Variants in CDH13 observed in about 807,000 individuals in gnomAD.
CDH13 encodes cadherin 13.
In CDH13, 24 loss-of-function variants were observed where a neutral mutation model predicts 63.8. That is an observed-to-expected ratio of 0.38 (90% CI 0.27 to 0.53). The LOEUF (loss-of-function observed/expected upper bound fraction) is 0.53, where lower values mean the gene tolerates loss of function less well. Ranked by LOEUF, CDH13 falls within the 20% of genes least tolerant of loss-of-function variation. The pLI is 0.85. For missense variants in CDH13, 1,049 were observed against 903.1 expected, an observed-to-expected ratio of 1.16 and a Z score of -2.07; for synonymous variants, 503 against 355.3, an observed-to-expected ratio of 1.42 and a Z score of -4.67.
chr16:83,572,622 C>G (rs530032545), intron 7 of CDH13, among the ~76,000 whole-genome samples: 2 of 152,304 alleles, frequency 1.3e-5, no homozygotes, highest in South Asian at 4.1e-4. Context: ...ATTGAATATT[C>G]TAGCCCTCGC....
At chr16:83,021,540 C>G (rs1424517682) in intron 2 of CDH13, among the ~76,000 whole-genome samples, 1 of 152,136 alleles carries the variant, frequency 6.6e-6, no homozygotes, top group Non-Finnish European at 1.5e-5. Flanking sequence ...CTGTCTTTTT[C>G]CAAGAGGAAG....
At chr16:82,802,421 C>G (rs117660669) in intron 1 of CDH13, among the ~76,000 whole-genome samples, 224 of 152,180 alleles carry the variant, frequency 1.5e-3, no homozygotes, top group Non-Finnish European at 2.5e-3. Context: ...GGATATCTGT[C>G]TCAAAGTTTT....
chr16:82,681,560 C>T (rs949717418), intron 1 of CDH13, among the ~76,000 whole-genome samples: 2 of 152,240 alleles, frequency 1.3e-5, no homozygotes. Flanking sequence ...TTGTTTGCCT[C>T]TTACTCATTT....
At position 82,849,742 on chromosome 16, in the gene CDH13, T is replaced by C. The variant is rs868127340; in HGVS notation, c.46-8620T>C. Among the ~76,000 whole-genome samples, 5 of 152,366 alleles carry C rather than the reference T, an allele frequency of 3.3e-5. 1 individual carries two copies. Among genetic ancestry groups the C allele is most frequent in the South Asian group, 2.1e-4 (1 of 4,828 alleles). On this transcript the variant is annotated intron_variant, in intron 1 of 13. Transcript: ENST00000567109. ...TTTTGTCTGGGACTAATGCAACTGA[T>C]GACTTTAAGTTGAAGCCAATGCTTA...
chr16:82,968,660 C>T (rs1908228745), intron 2 of CDH13, among the ~76,000 whole-genome samples: 1 of 152,192 alleles, frequency 6.6e-6, no homozygotes, highest in African/African-American at 2.4e-5. Flanking sequence ...ATCCTCCCTG[C>T]CCCACCCAGG....
chr16:83,156,947 A>T (rs767601156), intron 4 of CDH13, among the ~76,000 whole-genome samples: 6 of 152,184 alleles, frequency 3.9e-5, no homozygotes, highest in Non-Finnish European at 8.8e-5. Flanking sequence ...TCTTCAAAGG[A>T]GCAATTTTCT....
At chr16:83,204,370 C>G (rs977288905) in intron 4 of CDH13, among the ~76,000 whole-genome samples, 1 of 152,206 alleles carries the variant, frequency 6.6e-6, no homozygotes, top group African/African-American at 2.4e-5. Flanking sequence ...AATTGTTGTG[C>G]CTGTAAAATG....
intron 1 of CDH13, chr16:82,825,459 C>T (rs1248897659): frequency 6.6e-6 from 1 of 151,954 alleles, no homozygotes; most frequent in East Asian, 1.9e-4. Context: ...ACAAGAACTT[C>T]TCATTAGCTG....
chr16:82,704,640 T>C (rs1446736816), intron 1 of CDH13, among the ~76,000 whole-genome samples: 1 of 152,144 alleles, frequency 6.6e-6, no homozygotes, highest in Non-Finnish European at 1.5e-5. Context: ...GTCCTTTTCC[T>C]GGCCTGGGGG....
At chr16:83,245,098 G>A (rs150673775) in intron 5 of CDH13, among the ~76,000 whole-genome samples, 1 of 147,974 alleles carries the variant, frequency 6.8e-6, no homozygotes, top group Non-Finnish European at 1.5e-5. Flanking sequence ...TGCTATGTTG[G>A]CTCTTTTCTG....
chr16:83,302,953 C>T (rs1009543952), intron 5 of CDH13, among the ~76,000 whole-genome samples: 2 of 152,212 alleles, frequency 1.3e-5, no homozygotes, highest in Non-Finnish European at 2.9e-5. Flanking sequence ...GCTCAAAAAT[C>T]TCATCAAGGT....
intron 2 of CDH13, among the ~76,000 whole-genome samples, chr16:82,915,982 C>T (rs1024250637): frequency 6.6e-6 from 1 of 151,822 alleles, no homozygotes; most frequent in African/African-American, 2.4e-5. Flanking sequence ...CAAAGCATGT[C>T]TGAGCAGAGA....
intron 7 of CDH13, among the ~76,000 whole-genome samples, chr16:83,513,363 T>G (rs979841208): frequency 1.2e-4 from 18 of 152,164 alleles, no homozygotes; most frequent in African/African-American, 4.3e-4. Flanking sequence ...TTAGATCCCT[T>G]AGATCAATGG....
intron 2 of CDH13, among the ~76,000 whole-genome samples, chr16:83,017,848 T>G (rs1050045038): frequency 6.6e-6 from 1 of 152,198 alleles, no homozygotes; most frequent in Non-Finnish European, 1.5e-5. Flanking sequence ...CTAACATAAA[T>G]GATGTCCTGC....
At chr16:83,617,339 C>T (rs148637278) in intron 8 of CDH13, among the ~76,000 whole-genome samples, 21 of 152,142 alleles carry the variant, frequency 1.4e-4, no homozygotes, top group South Asian at 6.2e-4. Context: ...TTATATGCTG[C>T]GTATAAGTAA....
At chr16:83,045,892 G>C (rs1917737181) in intron 3 of CDH13, among the ~76,000 whole-genome samples, 1 of 152,234 alleles carries the variant, frequency 6.6e-6, no homozygotes, top group African/African-American at 2.4e-5. Context: ...CTGAATGTTT[G>C]TAGAAAAATT....
intron 1 of CDH13, among the ~76,000 whole-genome samples, chr16:82,834,052 G>T (rs765336723): frequency 6.6e-6 from 1 of 152,084 alleles, no homozygotes; most frequent in African/African-American, 2.4e-5. Context: ...TCAATTCAGC[G>T]CTAGCCAGCT....
At chr16:82,865,869 C>T (rs972389668) in intron 2 of CDH13, among the ~76,000 whole-genome samples, 1 of 152,194 alleles carries the variant, frequency 6.6e-6, no homozygotes, top group African/African-American at 2.4e-5. Flanking sequence ...CTGTGCTTCC[C>T]TTTTAAATAA....
chr16:82,980,588 C>T (rs1910131307), intron 2 of CDH13, among the ~76,000 whole-genome samples: 1 of 152,202 alleles, frequency 6.6e-6, no homozygotes, highest in Admixed American at 6.5e-5. Context: ...TTAAGTCAAA[C>T]ATCTCTTTCA....
Sources: gnomAD v4.1 joint callset for allele counts (sites outside exome capture counted in the v4.1 genomes callset) on GRCh38, gnomAD v4.1.1 for gene constraint, MANE v1.5 for transcripts, NCBI Gene and HGNC (gene_info 2026-07-23, HGNC 2026-07-21) for gene names.